UBE3B: variants seen among roughly 807,000 people sequenced by gnomAD.
UBE3B encodes the protein ubiquitin protein ligase E3B.
A neutral mutation model predicts 132.3 loss-of-function variants in UBE3B; 80 were observed. That is an observed-to-expected ratio of 0.60 (90% CI 0.50 to 0.73). UBE3B has a LOEUF of 0.73. Ranked by LOEUF, UBE3B falls within the 30% of genes least tolerant of loss-of-function variation. UBE3B has a pLI of 0.00. For missense variants in UBE3B, 1,196 were observed against 1,362.5 expected (o/e 0.88, Z 1.92); for synonymous variants, 487 against 520.4 (o/e 0.94, Z 0.87).
intron 19 of UBE3B, among the ~76,000 whole-genome samples, chr12:109,518,300 C>T (rs975236978): frequency 3.3e-5 from 5 of 152,180 alleles, no homozygotes; most frequent in African/African-American, 9.7e-5. Context: ...CACCGCCACT[C>T]AGCTCCTCCA....
chr12:109,486,576 G>GAA lies in UBE3B; in HGVS notation c.447+1_447+2insAA. 3.5e-6 allele frequency: 2 copies of GAA among 577,562 alleles called. No homozygotes were observed. The highest frequency in any genetic ancestry group is 5.1e-6 in the Non-Finnish European group (2 of 392,260). The allele number at this position is 577,562 out of a possible 1,614,324, so 35.8% of individuals were successfully genotyped here. A position where few individuals can be genotyped will look rare whatever the true frequency, so the allele number is the denominator to read the frequency against. On this transcript the variant is annotated splice_donor_variant, in intron 6 of 27. Transcript: ENST00000342494. LOFTEE classifies it high-confidence loss of function. ...CTGTGATTTTCTCAAGCAGCTCAAG[G>GAA]TAACAAAAAAAAAAAAAAAAAAAAA...
At chr12:109,507,987 G>A (rs1019690718) in intron 15 of UBE3B, among the ~76,000 whole-genome samples, 4 of 152,152 alleles carry the variant, frequency 2.6e-5, no homozygotes, top group Non-Finnish European at 5.9e-5. Flanking sequence ...GCTGTGGCTT[G>A]GGGTCTCCTG....
At chr12:109,520,998 G>A in intron 19 of UBE3B, 150 bp from the exon 20 acceptor site, 2 of 800,224 alleles carry the variant, frequency 2.5e-6, no homozygotes, top group South Asian at 3.8e-5. Context: ...TTCAAAAGCA[G>A]GTGAGAACGG....
At chr12:109,497,678 G>GT (rs1878407142) in intron 9 of UBE3B, 140 bp from the exon 10 acceptor site, 3 of 793,254 alleles carry the variant, frequency 3.8e-6, no homozygotes, top group Non-Finnish European at 6.2e-6. Context: ...CCCAGTGTAT[G>GT]TCCCCAATTT....
In UBE3B at chr12:109,505,318, G is replaced by T. The variant is rs578005002; in HGVS notation, c.1450+2128G>T. Among the ~76,000 whole-genome samples the T allele has an allele frequency of 3.3e-4, 51 of 152,304 alleles. No individual in the cohort carries two copies. In the South Asian group the frequency reaches 0.01, roughly 31 times the overall value. Reference sequence around the variant, plus strand: ...CACTGGCACTGCTGCTGGTCTGTCTGCCATTGCTCTGCCAGGCCCAGTGTC... The same window carrying T: ...CACTGGCACTGCTGCTGGTCTGTCTTCCATTGCTCTGCCAGGCCCAGTGTC... On this transcript the variant is annotated intron_variant, in intron 14 of 27. Transcript: ENST00000342494.
Position 109,515,792 on chromosome 12 carries a change from T to G in UBE3B, c.1957-973T>G, listed in dbSNP as rs1017230890. On this transcript the variant is annotated intron_variant, in intron 18 of 27. Transcript: ENST00000342494. ...TGACTTGATTTAAATGGTATTAGGG[T>G]GCTGATTCTTGAGCCCAGGATGGGG... is the stretch of plus-strand genomic sequence containing the variant. 6.4e-4 allele frequency among the ~76,000 whole-genome samples: 98 copies of G among 152,234 alleles called. 2 individuals carry two copies. The highest frequency in any genetic ancestry group is 8.8e-5 in the Non-Finnish European group (6 of 68,046).
intron 7 of UBE3B, among the ~76,000 whole-genome samples, chr12:109,489,073 G>A (rs1049315736): frequency 5.3e-5 from 8 of 152,176 alleles, no homozygotes; most frequent in Non-Finnish European, 8.8e-5. Flanking sequence ...CGTTAGTGCC[G>A]TGTGTTTCAT....
At chr12:109,478,509 G>A (rs1592860003) in intron 1 of UBE3B, among the ~76,000 whole-genome samples, 3 of 152,270 alleles carry the variant, frequency 2.0e-5, no homozygotes, top group South Asian at 2.1e-4. Context: ...GGCTGGCCAC[G>A]GTGGCTCACG....
In UBE3B at chr12:109,497,684, A is replaced by C. The variant is rs568832327; in HGVS notation, c.714-134A>C. 293 of 851,744 alleles carry C rather than the reference A, an allele frequency of 3.4e-4. 6 individuals are homozygous for C. In the Admixed American group the frequency reaches 6.1e-3, roughly 18 times the overall value. 52.8% of individuals were successfully genotyped at this position (851,744 alleles called of 1,614,324 possible). On this transcript the variant is annotated intron_variant, in intron 9 of 27. Transcript: ENST00000342494. ...GTCCATTTCCCCAGTGTATGTCCCC[A>C]ATTTCAGCCTTCAGTTTTCTCAGAA...
intron 7 of UBE3B, 109 bp from the exon 8 acceptor site, chr12:109,489,810 G>T (rs1276385269): frequency 1.0e-6 from 1 of 993,602 alleles, no homozygotes; most frequent in Non-Finnish European, 1.6e-6. Context: ...CAAGCCAGGG[G>T]GTATCTCATT....
rs372052099 is a variant in UBE3B, at chr12:109,499,747, A to G, written c.1055A>G (p.Lys352Arg). The stretch of plus-strand genomic sequence containing the variant: ...TACTGTCGGAAGTATGTGTCTCAGA[A>G]GAAGTCCAACCTGACCCACTGGCAT... ...LCYCRKYVSQ[K>R]KSNLTHWHPV... The change falls in exon 12 of 28, where the codon AAG becomes AGG. Residue 352 changes from lysine to arginine, a missense_variant. Coordinates refer to ENST00000342494, the MANE Select transcript of UBE3B (RefSeq NM_130466.4). 1.9e-6 allele frequency: 3 copies of G among 1,612,872 alleles called. No individual in the cohort carries two copies. The highest frequency in any genetic ancestry group is 2.5e-6 in the Non-Finnish European group (3 of 1,179,414).
rs1882822644 is a variant in UBE3B at position 109,530,401 on chromosome 12, G to A, written c.2811-146G>A. On this transcript the variant is annotated intron_variant, in intron 25 of 27. Coordinates refer to ENST00000342494, the MANE Select transcript of UBE3B (RefSeq NM_130466.4). ...CTTCCCAGGGAGATAGAGTTATTGA[G>A]GCATGAACTTCTGGCTTTAAGAGAA... 8 of 669,422 alleles carry A rather than the reference G, an allele frequency of 1.2e-5. No homozygotes were observed. The South Asian group carries it at 1.3e-4, about 11-fold the overall frequency. The allele number at this position is 669,422 out of a possible 1,614,324, so 41.5% of individuals were successfully genotyped here. A position where few individuals can be genotyped will look rare whatever the true frequency, so the allele number is the denominator to read the frequency against.
intron 17 of UBE3B, 87 bp from the exon 18 acceptor site, chr12:109,511,117 T>G (rs1488296718): frequency 3.4e-6 from 4 of 1,162,466 alleles, no homozygotes; most frequent in Non-Finnish European, 2.5e-6. Context: ...ACCCTGCATG[T>G]GGCCCACATG....
intron 5 of UBE3B, among the ~76,000 whole-genome samples, 174 bp downstream of exon 5, chr12:109,486,245 C>G (rs1876404127): frequency 6.6e-6 from 1 of 152,228 alleles, no homozygotes; most frequent in South Asian, 2.1e-4. Flanking sequence ...ATCCAGGTAG[C>G]TACGTTCTGC....
chr12:109,521,530 G>T lies in UBE3B; in HGVS notation c.2343G>T (p.Met781Ile), dbSNP rs1274723196. ...AGCTCTTCGAGTTTGTGGGGAAGAT[G>T]CTGGGGAAGGCTGTGTATGAGGTAG... ...YLQLFEFVGK[M>I]LGKAVYEGIV... Residue 781 changes from methionine to isoleucine, a missense_variant, in exon 21 of 28, where the codon ATG (methionine) becomes ATT (isoleucine). Transcript: ENST00000342494. This position sits in a 1 kb window ranked among gnomAD's most constrained non-coding sequence, Gnocchi z 4.2. 1.3e-6 allele frequency: 2 copies of T among 1,595,056 alleles called. No homozygotes were observed. The highest frequency in any genetic ancestry group is 2.3e-5 in the South Asian group (2 of 88,772).
chr12:109,498,974 C>T (rs1878596074), intron 11 of UBE3B, among the ~76,000 whole-genome samples: 1 of 151,926 alleles, frequency 6.6e-6, no homozygotes, highest in Non-Finnish European at 1.5e-5. Context: ...TACAAGCGCA[C>T]ACTACCACGG....
rs114370741 is a variant in UBE3B, at chr12:109,529,730, C to T, written c.2628-160C>T. Among the ~76,000 whole-genome samples the T allele has an allele frequency of 2.5e-3, 375 of 152,268 alleles. 3 individuals are homozygous for T. Among genetic ancestry groups the T allele is most frequent in the African/African-American group, 8.6e-3 (356 of 41,552 alleles). On this transcript the variant is annotated intron_variant, in intron 24 of 27. Transcript: ENST00000342494. ...ATGGTGTGCAGTTCGTGAGTGCTGT[C>T]GTCATTGTCGCCATTGTCATTGTTC... is the stretch of plus-strand genomic sequence containing the variant.
chr12:109,486,391 A>G, intron 5 of UBE3B, 80 bp from the exon 6 acceptor site: 2 of 1,161,526 alleles, frequency 1.7e-6, no homozygotes, highest in Non-Finnish European at 2.5e-6. Context: ...CCTAACTAAT[A>G]GGTCCAGTTC....
rs1394064759 is a variant in UBE3B, at chr12:109,498,425, A to C, written c.940+72A>C. On this transcript the variant is annotated intron_variant, in intron 11 of 27. Transcript: ENST00000342494. Reference sequence around the variant, plus strand: ...AAGCCCGAGTGTTTTGCCTGTCACTATTCTAGAGATTTGGTTGTTTTCTGT... The same window carrying C: ...AAGCCCGAGTGTTTTGCCTGTCACTCTTCTAGAGATTTGGTTGTTTTCTGT... The C allele has an allele frequency of 3.3e-6, 5 of 1,535,148 alleles. No homozygotes were observed. The African/African-American group carries it at 6.9e-5, about 21-fold the overall frequency.
Sources: gnomAD v4.1 joint callset for allele counts (sites outside exome capture counted in the v4.1 genomes callset) on GRCh38, gnomAD v4.1.1 for gene constraint, Gnocchi (gnomAD v3.1) non-coding constraint, MANE v1.5 for transcripts, NCBI Gene and HGNC (gene_info 2026-07-23, HGNC 2026-07-21) for gene names.